The following APLP2 variants were observed in gnomAD, a reference collection of about 807,000 sequenced individuals.
APLP2 encodes the protein CDEI box-binding protein.
APLP2 carries 53 observed loss-of-function variants against 89.9 expected under a neutral mutation model. The observed-to-expected ratio is 0.59, with a 90% CI of 0.47 to 0.74. The LOEUF (loss-of-function observed/expected upper bound fraction) is 0.74, where lower values mean the gene tolerates loss of function less well. Ranked by LOEUF, APLP2 falls within the 30% of genes least tolerant of loss-of-function variation. APLP2 has a pLI of 0.00. For synonymous variants in APLP2, 372 were observed against 348.6 expected, an observed-to-expected ratio of 1.07 and a Z score of -0.75; for missense variants, 973 against 975.9, an observed-to-expected ratio of 1.00 and a Z score of 0.04.
At chr11:130,087,679 G>A (rs936575437) in intron 1 of APLP2, among the ~76,000 whole-genome samples, 2 of 152,192 alleles carry the variant, frequency 1.3e-5, no homozygotes, top group Non-Finnish European at 2.9e-5. Context: ...ACATTTCATA[G>A]CAGAATGGCC....
chr11:130,071,535 G>A (rs990014038), intron 1 of APLP2, among the ~76,000 whole-genome samples: 1 of 152,238 alleles, frequency 6.6e-6, no homozygotes, highest in Non-Finnish European at 1.5e-5. Flanking sequence ...TCGTATGGAA[G>A]ATGGGACTTC....
chr11:130,070,674 G>A (rs1437491618), intron 1 of APLP2: 3 of 1,478,528 alleles, frequency 2.0e-6, no homozygotes, highest in Admixed American at 2.3e-5. Flanking sequence ...TGCCGCCTGG[G>A]GCCGGGTCGC....
chr11:130,082,462 G>A (rs1403822983), intron 1 of APLP2: 2 of 153,318 alleles, frequency 1.3e-5, no homozygotes, highest in Non-Finnish European at 2.9e-5. Context: ...GGGATTACAG[G>A]CGTGAGCCAC....
At chr11:130,127,491 A>C (rs531091575) in intron 8 of APLP2, among the ~76,000 whole-genome samples, 12 of 152,288 alleles carry the variant, frequency 7.9e-5, no homozygotes, top group African/African-American at 2.4e-4. Context: ...TATTAACCTC[A>C]ATTTTTTTGG....
intron 1 of APLP2, among the ~76,000 whole-genome samples, chr11:130,073,846 A>T (rs1440242999): frequency 2.0e-5 from 3 of 152,108 alleles, no homozygotes; most frequent in Admixed American, 1.3e-4. Context: ...AAACAAGAAT[A>T]AAAAAAAGAA....
intron 16 of APLP2, among the ~76,000 whole-genome samples, chr11:130,142,906 C>T (rs923360100): frequency 6.6e-6 from 1 of 152,236 alleles, no homozygotes; most frequent in African/African-American, 2.4e-5. Context: ...AGCTACTGCA[C>T]CTGGCCAGTT....
intron 1 of APLP2, among the ~76,000 whole-genome samples, chr11:130,088,295 C>T (rs746501394): frequency 6.6e-6 from 1 of 152,142 alleles, no homozygotes; most frequent in Non-Finnish European, 1.5e-5. Flanking sequence ...TTAAGAAAAT[C>T]ATTGTTCAGG....
At chr11:130,070,136 C>T in intron 1 of APLP2, 54 bp downstream of exon 1, 1 of 1,210,436 alleles carries the variant, frequency 8.3e-7, no homozygotes. Flanking sequence ...CGGAGGAGCG[C>T]GGACTGCGGG....
chr11:130,071,458 C>A (rs913414022), intron 1 of APLP2, among the ~76,000 whole-genome samples: 8 of 151,848 alleles, frequency 5.3e-5, no homozygotes, highest in African/African-American at 1.9e-4. Context: ...AGAGTTGTAT[C>A]TGTGATCCCT....
At chr11:130,105,702 T>TTC (rs1491178939) in intron 1 of APLP2, among the ~76,000 whole-genome samples, 1 of 86,902 alleles carries the variant, frequency 1.2e-5, no homozygotes, top group African/African-American at 7.4e-5. Context: ...TTCTGTCTGC[T>TTC]TTTTTTTTTT....
chr11:130,107,332 A>C (rs1462677638), intron 1 of APLP2, among the ~76,000 whole-genome samples: 1 of 152,264 alleles, frequency 6.6e-6, no homozygotes, highest in African/African-American at 2.4e-5. Context: ...GAAGTATCCC[A>C]GATGGGGATT....
At chr11:130,136,487 A>AG (rs1951622392) in intron 13 of APLP2, among the ~76,000 whole-genome samples, 1 of 152,078 alleles carries the variant, frequency 6.6e-6, no homozygotes, top group South Asian at 2.1e-4. Flanking sequence ...AACTTGCCCG[A>AG]GGTCATGTAG....
chr11:130,122,458 T>A lies in APLP2; in HGVS notation c.867T>A (p.Thr289=), dbSNP rs138715290. ...KGDDYNEENP[T]EPGSDGTMSD... is the part of the protein sequence containing the mutation. Reference sequence around the variant, plus strand: ...ATGACTACAATGAGGAGAATCCTACTGAACCCGGCAGCGACGGCACCATGT... The same window carrying A: ...ATGACTACAATGAGGAGAATCCTACAGAACCCGGCAGCGACGGCACCATGT... Residue 289 remains threonine, a synonymous_variant, in exon 6 of 17, where the codon ACT becomes ACA. Coordinates refer to ENST00000338167, the MANE Select transcript of APLP2 (RefSeq NM_001142276.2). 35 of 1,614,036 alleles carry A rather than the reference T, an allele frequency of 2.2e-5. No individual in the cohort carries two copies. The highest frequency in any genetic ancestry group is 2.9e-5 in the Non-Finnish European group (34 of 1,180,016).
At chr11:130,134,494 A>T (rs1385451708) in intron 12 of APLP2, among the ~76,000 whole-genome samples, 1 of 152,204 alleles carries the variant, frequency 6.6e-6, no homozygotes, top group Non-Finnish European at 1.5e-5. Flanking sequence ...CCAGATGAGG[A>T]AGAAATTTCA....
Position 130,122,345 on chromosome 11 carries a change from G to A in APLP2, c.754G>A (p.Ala252Thr), listed in dbSNP as rs780729799. ...AGCAGATCTGGAAGACTTCACAGAA[G>A]CAGCTGTGGATGAGGATGATGAGGA... ...TEADLEDFTE[A>T]AVDEDDEDEE... Residue 252 changes from alanine (A) to threonine (T), a missense_variant, in exon 6 of 17, where the codon GCA becomes ACA. Physicochemically the swap from Ala to Thr is moderately conservative, Grantham distance 58. Transcript: ENST00000338167. 6.2e-7 allele frequency: 1 copy of A among 1,614,122 alleles called. No homozygotes were observed. Among genetic ancestry groups the A allele is most frequent in the Non-Finnish European group, 8.5e-7 (1 of 1,179,990 alleles).
At chr11:130,124,520 G>A (rs545151911) in intron 7 of APLP2, among the ~76,000 whole-genome samples, 11 of 152,174 alleles carry the variant, frequency 7.2e-5, no homozygotes, top group African/African-American at 1.2e-4. Flanking sequence ...CCTTTTTCTC[G>A]TTAAGACCTT....
intron 1 of APLP2, among the ~76,000 whole-genome samples, chr11:130,092,831 G>A (rs1256429858): frequency 6.6e-6 from 1 of 151,630 alleles, no homozygotes; most frequent in Non-Finnish European, 1.5e-5. Flanking sequence ...ATGAAATCTT[G>A]AAGATGGCAA....
At position 130,137,035 on chromosome 11, in the gene APLP2, A is replaced by G. The variant is rs73046925; in HGVS notation, c.1837+1320A>G. On this transcript the variant is annotated intron_variant, in intron 13 of 16. Transcript: ENST00000338167. ...CCCTAAAAAGGCACAAGACAGACCTACTTTTTTCTCTCTTATCAAGGATAC... is the reference window on the plus strand; with the variant it reads ...CCCTAAAAAGGCACAAGACAGACCTGCTTTTTTCTCTCTTATCAAGGATAC... Among the ~76,000 whole-genome samples the G allele has an allele frequency of 4.2e-3, 646 of 152,236 alleles. 2 individuals are homozygous for G. The highest frequency in any genetic ancestry group is 6.5e-3 in the Non-Finnish European group (439 of 68,002).
Position 130,122,383 on chromosome 11 carries a change from G to A in APLP2, c.792G>A (p.Gly264=). The change falls in exon 6 of 17, where the codon GGG becomes GGA. Residue 264 remains glycine (G), a synonymous_variant. Coordinates refer to ENST00000338167, the MANE Select transcript of APLP2 (RefSeq NM_001142276.2). Reference sequence around the variant, plus strand: ...AGGATGATGAGGATGAGGAAGAAGGGGAGGAAGTGGTGGAGGACCGAGATT... The same window carrying A: ...AGGATGATGAGGATGAGGAAGAAGGAGAGGAAGTGGTGGAGGACCGAGATT... ...VDEDDEDEEE[G]EEVVEDRDYY... is the part of the protein sequence containing the mutation. 3 of 1,614,120 alleles carry A rather than the reference G, an allele frequency of 1.9e-6. No individual in the cohort carries two copies. Among genetic ancestry groups the A allele is most frequent in the Non-Finnish European group, 2.5e-6 (3 of 1,180,008 alleles).
Sources: allele counts gnomAD v4.1 joint callset (sites outside exome capture counted in the v4.1 genomes callset), GRCh38; gene constraint gnomAD v4.1.1; transcripts MANE v1.5; gene names NCBI Gene and HGNC (gene_info 2026-07-23, HGNC 2026-07-21).